The following BRSK1 variants were observed in gnomAD, a reference collection of about 807,000 sequenced individuals.
The protein encoded by BRSK1 is serine/threonine-protein kinase BRSK1.
Under a neutral mutation model 86.2 loss-of-function variants are expected in BRSK1, and 17 were observed. The ratio of observed to expected loss-of-function variants is 0.20; its 90% CI spans 0.14 to 0.30. BRSK1 has a LOEUF of 0.30. Among genes scored for constraint, BRSK1 ranks in the 10% least tolerant of loss-of-function variants. BRSK1 has a pLI of 1.00. For synonymous variants in BRSK1, 464 were observed against 440.1 expected (o/e 1.05, Z -0.68); for missense variants, 719 against 1,071.9 (o/e 0.67, Z 4.60).
At chr19:55,297,108 GCT>G (rs2088500149) in intron 7 of BRSK1, among the ~76,000 whole-genome samples, 1 of 152,098 alleles carries the variant, frequency 6.6e-6, no homozygotes, top group African/African-American at 2.4e-5. Flanking sequence ...ACGGATTCTT[GCT>G]CTGTCACACA....
intron 7 of BRSK1, among the ~76,000 whole-genome samples, chr19:55,297,526 A>T (rs1392565135): frequency 1.3e-5 from 2 of 152,162 alleles, no homozygotes; most frequent in Non-Finnish European, 2.9e-5. Flanking sequence ...AGGCTACATA[A>T]CGGATACTAA....
chr19:55,302,010 C>A lies in BRSK1; in HGVS notation c.826-127C>A. ...GCCACTAGAGGGCGATGTAATATGT[C>A]ATCCTGCCCCCGGTGGGGTGGGCGG... On this transcript the variant is annotated intron_variant, in intron 8 of 18. Coordinates refer to ENST00000309383, the MANE Select transcript of BRSK1 (RefSeq NM_032430.2). The surrounding 1 kb of genome is among the most constrained non-coding windows in gnomAD (Gnocchi z 6.3). 1.8e-6 allele frequency: 2 copies of A among 1,129,828 alleles called. No homozygotes were observed. The highest frequency in any genetic ancestry group is 1.2e-5 in the South Asian group (1 of 81,084). 70.0% of individuals were successfully genotyped at this position (1,129,828 alleles called of 1,614,324 possible).
In BRSK1 at chr19:55,303,192, C is replaced by G; in HGVS notation, c.1029-119C>G. The G allele has an allele frequency of 3.8e-6, 3 of 798,598 alleles. No homozygotes were observed. The South Asian group carries it at 4.9e-5, about 13-fold the overall frequency. The allele number at this position is 798,598 out of a possible 1,614,324, so 49.5% of individuals were successfully genotyped here. A position where few individuals can be genotyped will look rare whatever the true frequency, so the allele number is the denominator to read the frequency against. ...ACCAGAGAAACTGACCATACTGATA[C>G]CTAGAAAAAATGGAACCATGGGCAG... On this transcript the variant is annotated intron_variant, in intron 10 of 18. Transcript: ENST00000309383. This position sits in a 1 kb window ranked among gnomAD's most constrained non-coding sequence, Gnocchi z 5.1.
At position 55,284,304 on chromosome 19, in the gene BRSK1, GC is replaced by G; in HGVS notation, c.-134del. 8.5e-6 allele frequency: 6 copies of G among 707,986 alleles called. No homozygotes were observed. The highest frequency in any genetic ancestry group is 1.2e-5 in the Non-Finnish European group (6 of 511,880). 43.9% of individuals were successfully genotyped at this position (707,986 alleles called of 1,614,324 possible). A position where few individuals can be genotyped will look rare whatever the true frequency, so the allele number is the denominator to read the frequency against. ...CCGCCGACTGGGGGGGGCCAGCCCA[GC>G]CCCCTGGGGACCCCCGGAGAGGTGG... On this transcript the variant is annotated 5_prime_UTR_variant, in exon 1 of 19. Coordinates refer to ENST00000309383, the MANE Select transcript of BRSK1 (RefSeq NM_032430.2).
At chr19:55,290,648 CT>C (rs66488143) in intron 4 of BRSK1, among the ~76,000 whole-genome samples, 21,278 of 141,882 alleles carry the variant, frequency 0.15, 1,619 homozygotes, top group Middle Eastern at 0.23. Context: ...TTTTCTTTTT[CT>C]TTTTTTTTTT....
chr19:55,301,894 G>C (rs956240719), intron 8 of BRSK1, among the ~76,000 whole-genome samples: 4 of 152,194 alleles, frequency 2.6e-5, no homozygotes, highest in African/African-American at 9.6e-5. Flanking sequence ...GAGTAAGGAG[G>C]CGAACAGGAT....
Position 55,287,403 on chromosome 19 carries a change from G to C in BRSK1, c.317+104G>C. On this transcript the variant is annotated intron_variant, in intron 3 of 18. Coordinates refer to ENST00000309383, the MANE Select transcript of BRSK1 (RefSeq NM_032430.2). The surrounding 1 kb of genome is among the most constrained non-coding windows in gnomAD (Gnocchi z 5.3). ...CCTAGGGGGACCTGGGGGACCTGCA[G>C]CTCTCCAGGCTGGACCGCTGAAGGC... is the stretch of plus-strand genomic sequence containing the variant. 1 of 1,079,244 alleles carries C rather than the reference G, an allele frequency of 9.3e-7. No homozygotes were observed. The highest frequency in any genetic ancestry group is 1.4e-6 in the Non-Finnish European group (1 of 718,482). The allele number at this position is 1,079,244 out of a possible 1,614,324, so 66.9% of individuals were successfully genotyped here.
intron 18 of BRSK1, among the ~76,000 whole-genome samples, 162 bp from the exon 19 acceptor site, chr19:55,311,744 CCAATT>C (rs2088801104): frequency 6.6e-6 from 1 of 152,138 alleles, no homozygotes; most frequent in Admixed American, 6.5e-5. Flanking sequence ...CTCCGAGTAA[CCAATT>C]CAAGGCCAGG....
intron 4 of BRSK1, among the ~76,000 whole-genome samples, chr19:55,293,349 A>G (rs561146920): frequency 6.6e-6 from 1 of 152,050 alleles, no homozygotes; most frequent in East Asian, 1.9e-4. Flanking sequence ...TAAAAATACA[A>G]AAATTAGCTG....
intron 7 of BRSK1, among the ~76,000 whole-genome samples, chr19:55,297,353 C>G (rs1408787259): frequency 6.6e-6 from 1 of 152,154 alleles, no homozygotes; most frequent in East Asian, 1.9e-4. Flanking sequence ...AGGTGTGAGC[C>G]ACCACGCCCA....
Position 55,304,537 on chromosome 19 carries a change from C to A in BRSK1, c.1348-14C>A. 6.4e-7 allele frequency: 1 copy of A among 1,560,632 alleles called. No homozygotes were observed. The highest frequency in any genetic ancestry group is 1.2e-5 in the South Asian group (1 of 82,672). On this transcript the variant is annotated splice_polypyrimidine_tract_variant and intron_variant, in intron 13 of 18. Transcript: ENST00000309383. The surrounding 1 kb of genome is among the most constrained non-coding windows in gnomAD (Gnocchi z 5.2). ...GTAGTCCACTCGCTTATCTCAGTCT[C>A]CTGTCCTCTGCAGAGTCCGGTCTTT...
In BRSK1 at chr19:55,304,585, C is replaced by A; in HGVS notation, c.1382C>A (p.Ala461Asp). The change falls in exon 14 of 19, where the codon GCT becomes GAT. Residue 461 changes from alanine (A) to aspartate (D), a missense_variant. Coordinates refer to ENST00000309383, the MANE Select transcript of BRSK1 (RefSeq NM_032430.2). This position sits in a 1 kb window ranked among gnomAD's most constrained non-coding sequence, Gnocchi z 5.2. Reference sequence around the variant, plus strand: ...TTTTCCTTTTCACCGGAGCCGGGGGCTGGAGATGAGGCTCGAGGCGGGGGC... The same window carrying A: ...TTTTCCTTTTCACCGGAGCCGGGGGATGGAGATGAGGCTCGAGGCGGGGGC... ...PVFSFSPEPG[A>D]GDEARGGGSP... 1 of 1,585,984 alleles carries A rather than the reference C, an allele frequency of 6.3e-7. No individual in the cohort carries two copies. The highest frequency in any genetic ancestry group is 8.6e-7 in the Non-Finnish European group (1 of 1,167,936).
chr19:55,300,778 T>C (rs973235683), intron 7 of BRSK1, among the ~76,000 whole-genome samples: 6 of 151,970 alleles, frequency 3.9e-5, no homozygotes, highest in African/African-American at 1.5e-4. Context: ...GAGGCAGAGG[T>C]TGCAGTCAGC....
Position 55,289,573 on chromosome 19 carries a change from C to A in BRSK1, c.411C>A (p.Phe137Leu), listed in dbSNP as rs2088373691. 1 of 1,614,142 alleles carries A rather than the reference C, an allele frequency of 6.2e-7. No individual in the cohort carries two copies. Among genetic ancestry groups the A allele is most frequent in the Non-Finnish European group, 8.5e-7 (1 of 1,180,018 alleles). The change falls in exon 4 of 19, where the codon TTC (phenylalanine) becomes TTA (leucine). Residue 137 changes from phenylalanine (F) to leucine (L), a missense_variant. Physicochemically the swap from Phe to Leu is conservative, Grantham distance 22. Transcript: ENST00000309383. ...CGCCCAAGGAGGCCCGAAAGTTCTT[C>A]CGCCAGATTGTGTCTGCGCTGGACT... ...RLTPKEARKFFRQIVSALDFC... is the reference protein window; with the variant it reads ...RLTPKEARKFLRQIVSALDFC...
chr19:55,306,173 G>A lies in BRSK1; in HGVS notation c.1891-79G>A, dbSNP rs2088647748. The A allele has an allele frequency of 2.1e-6, 3 of 1,462,332 alleles. No individual in the cohort carries two copies. Among genetic ancestry groups the A allele is most frequent in the Non-Finnish European group, 1.9e-6 (2 of 1,064,364 alleles). 90.6% of individuals were successfully genotyped at this position (1,462,332 alleles called of 1,614,324 possible). On this transcript the variant is annotated intron_variant, in intron 16 of 18. Transcript: ENST00000309383. This position sits in a 1 kb window ranked among gnomAD's most constrained non-coding sequence, Gnocchi z 4.7. ...CCTCCAGTGGCTCATGGGACTCGTA[G>A]TTCCTTGGCCAGAGCTGGTCGTGGG...
Position 55,305,448 on chromosome 19 carries a change from C to T in BRSK1, c.1767-15C>T. On this transcript the variant is annotated splice_polypyrimidine_tract_variant and intron_variant, in intron 15 of 18. Coordinates refer to ENST00000309383, the MANE Select transcript of BRSK1 (RefSeq NM_032430.2). ...CGCCTTCCTAACCCTCCTCCAACCACCCCCTCCCACTCAGGCTGGCAAAAC... is the reference window on the plus strand; with the variant it reads ...CGCCTTCCTAACCCTCCTCCAACCATCCCCTCCCACTCAGGCTGGCAAAAC... The T allele has an allele frequency of 6.2e-7, 1 of 1,614,162 alleles. No homozygotes were observed. The highest frequency in any genetic ancestry group is 8.5e-7 in the Non-Finnish European group (1 of 1,179,998).
chr19:55,285,790 G>C (rs2088301074), intron 1 of BRSK1, among the ~76,000 whole-genome samples: 2 of 152,152 alleles, frequency 1.3e-5, no homozygotes. Flanking sequence ...CTCAGGGCCA[G>C]AGCTGGCAGG....
At chr19:55,298,430 C>T (rs982116829) in intron 7 of BRSK1, among the ~76,000 whole-genome samples, 1 of 152,108 alleles carries the variant, frequency 6.6e-6, no homozygotes, top group African/African-American at 2.4e-5. Context: ...CCTCAGCCTT[C>T]CAAAGTGCTG....
Position 55,312,230 on chromosome 19 carries a change from G to C in BRSK1, c.*162G>C. 1 of 429,932 alleles carries C rather than the reference G, an allele frequency of 2.3e-6. No individual in the cohort carries two copies. The allele number at this position is 429,932 out of a possible 1,614,324, so 26.6% of individuals were successfully genotyped here. A position where few individuals can be genotyped will look rare whatever the true frequency, so the allele number is the denominator to read the frequency against. ...GGGCTCCACAGGCCGTGCCCAACTG[G>C]GGGTGGTTCTAGGGGAACAGGGGGC... On this transcript the variant is annotated 3_prime_UTR_variant, in exon 19 of 19. Coordinates refer to ENST00000309383, the MANE Select transcript of BRSK1 (RefSeq NM_032430.2).
Sources: gnomAD v4.1 joint callset for allele counts (sites outside exome capture counted in the v4.1 genomes callset) on GRCh38, gnomAD v4.1.1 for gene constraint, Gnocchi (gnomAD v3.1) non-coding constraint, MANE v1.5 for transcripts, NCBI Gene and HGNC (gene_info 2026-07-23, HGNC 2026-07-21) for gene names.